Variants in DNMBP observed in about 807,000 individuals in gnomAD.
DNMBP encodes dynamin-binding protein.
DNMBP carries 87 observed loss-of-function variants against 150.0 expected under a neutral mutation model. That is an observed-to-expected ratio of 0.58 (90% CI 0.49 to 0.69). The LOEUF (loss-of-function observed/expected upper bound fraction) is 0.69. Ranked by LOEUF, DNMBP falls within the 30% of genes least tolerant of loss-of-function variation. The pLI, the probability that DNMBP is intolerant of heterozygous loss-of-function variation, is 0.00. For missense variants in DNMBP, 1,774 were observed against 1,949.0 expected, an observed-to-expected ratio of 0.91 and a Z score of 1.69; for synonymous variants, 711 against 750.4, an observed-to-expected ratio of 0.95 and a Z score of 0.86.
intron 5 of DNMBP, 48 bp from the exon 6 acceptor site, chr10:99,908,142 G>T: frequency 7.5e-7 from 1 of 1,339,182 alleles, no homozygotes; most frequent in Non-Finnish European, 1.1e-6. Flanking sequence ...TGAGCTTAAT[G>T]GCATTTCAAT....
At chr10:99,954,473 G>A (rs938174376) in intron 4 of DNMBP, among the ~76,000 whole-genome samples, 3 of 151,914 alleles carry the variant, frequency 2.0e-5, no homozygotes, top group South Asian at 2.1e-4. Context: ...GGCTGGGTGC[G>A]GTGGCTCATG....
intron 3 of DNMBP, chr10:99,957,626 A>G (rs147786894): frequency 2.2e-4 from 41 of 187,162 alleles, no homozygotes; most frequent in African/African-American, 9.5e-4. Flanking sequence ...GCTTGAGACC[A>G]GGAGTTCAAA....
At chr10:99,985,861 C>T (rs962704297) in intron 1 of DNMBP, among the ~76,000 whole-genome samples, 1 of 152,216 alleles carries the variant, frequency 6.6e-6, no homozygotes, top group African/African-American at 2.4e-5. Flanking sequence ...AGTGATCCTC[C>T]TGCCTCAGCC....
intron 4 of DNMBP, among the ~76,000 whole-genome samples, chr10:99,924,424 C>T (rs999990838): frequency 6.6e-6 from 1 of 152,210 alleles, no homozygotes; most frequent in Non-Finnish European, 1.5e-5. Flanking sequence ...GCCCGGGCGA[C>T]AGAGCGAGAC....
At position 99,877,519 on chromosome 10, in the gene DNMBP, TTAAA is replaced by T. The variant is rs1377433495; in HGVS notation, c.4549-187_4549-184del. ...TTATTTAATTTTAACTAAAATAAATTTAAATAGGTACATACGGATGATGGCTACC... is the reference window on the plus strand; with the variant it reads ...TTATTTAATTTTAACTAAAATAAATTTAGGTACATACGGATGATGGCTACC... On this transcript the variant is annotated intron_variant, in intron 16 of 16. Coordinates refer to ENST00000324109, the MANE Select transcript of DNMBP (RefSeq NM_015221.4). Among the ~76,000 whole-genome samples the T allele has an allele frequency of 1.1e-4, 17 of 152,154 alleles. No individual in the cohort carries two copies. The South Asian group carries it at 3.5e-3, about 32-fold the overall frequency.
intron 4 of DNMBP, among the ~76,000 whole-genome samples, chr10:99,951,777 G>A (rs1215425152): frequency 1.3e-5 from 2 of 152,186 alleles, no homozygotes; most frequent in Non-Finnish European, 2.9e-5. Flanking sequence ...CAGGCTCATA[G>A]GCAGAAGGGA....
intron 6 of DNMBP, among the ~76,000 whole-genome samples, chr10:99,901,371 G>C (rs780581583): frequency 8.5e-5 from 13 of 152,142 alleles, no homozygotes; most frequent in Non-Finnish European, 1.8e-4. Flanking sequence ...CAAGACATTT[G>C]CAACGACCTA....
chr10:99,949,018 A>C (rs2040391519), intron 4 of DNMBP, among the ~76,000 whole-genome samples: 1 of 145,184 alleles, frequency 6.9e-6, no homozygotes, highest in Non-Finnish European at 1.5e-5. Context: ...ATAAATGCAG[A>C]GTTTTAAGAA....
Position 99,917,202 on chromosome 10 carries a change from C to T in DNMBP, c.2261-8056G>A, listed in dbSNP as rs145166576. 1.7e-3 allele frequency among the ~76,000 whole-genome samples: 255 copies of T among 152,090 alleles called. 1 individual carries two copies. Among genetic ancestry groups the T allele is most frequent in the Non-Finnish European group, 2.9e-3 (195 of 67,984 alleles). ...CGAAAACCCGTCTCCACTAAAAATA[C>T]AAAAATTAGTTGGTTGTGGTGGCAC... On this transcript the variant is annotated intron_variant, in intron 4 of 16. Transcript: ENST00000324109.
At chr10:99,923,218 G>A (rs1353500903) in intron 4 of DNMBP, among the ~76,000 whole-genome samples, 16 of 152,150 alleles carry the variant, frequency 1.1e-4, no homozygotes, top group Admixed American at 9.8e-4. Flanking sequence ...GTGAAATCCC[G>A]TCTCTACTAA....
At chr10:99,919,492 G>A (rs977175216) in intron 4 of DNMBP, among the ~76,000 whole-genome samples, 6 of 152,166 alleles carry the variant, frequency 3.9e-5, no homozygotes, top group African/African-American at 1.2e-4. Context: ...AATTATAATC[G>A]TTTAAAGTTT....
chr10:99,936,712 T>A (rs1564738464), intron 4 of DNMBP, among the ~76,000 whole-genome samples: 1 of 152,134 alleles, frequency 6.6e-6, no homozygotes, highest in East Asian at 1.9e-4. Context: ...TAAGCCTTTA[T>A]TTATTTACTG....
chr10:99,961,267 C>CTTTTT (rs555063019), intron 3 of DNMBP, among the ~76,000 whole-genome samples: 326 of 84,662 alleles, frequency 3.9e-3, no homozygotes, highest in Non-Finnish European at 4.9e-3. Context: ...TTCCCTTTTT[C>CTTTTT]TTTTTTTTTT....
At position 99,894,931 on chromosome 10, in the gene DNMBP, G is replaced by C. The variant is rs751402126; in HGVS notation, c.3156+15C>G. On this transcript the variant is annotated intron_variant, in intron 11 of 16. Coordinates refer to ENST00000324109, the MANE Select transcript of DNMBP (RefSeq NM_015221.4). ...CATCGTATGTTAATCTAACTACAGT[G>C]ATGTTGATGCTCACCCGGATGTGCT... The C allele has an allele frequency of 1.3e-6, 2 of 1,561,518 alleles. No individual in the cohort carries two copies. The highest frequency in any genetic ancestry group is 1.8e-6 in the Non-Finnish European group (2 of 1,132,344).
chr10:99,915,158 T>C (rs1451702435), intron 4 of DNMBP, among the ~76,000 whole-genome samples: 4 of 143,354 alleles, frequency 2.8e-5, no homozygotes, highest in African/African-American at 1.0e-4. Context: ...TACATATATA[T>C]ACACATATAC....
intron 15 of DNMBP, among the ~76,000 whole-genome samples, chr10:99,883,164 G>A (rs2039396428): frequency 1.8e-5 from 1 of 54,488 alleles, no homozygotes; most frequent in East Asian, 3.0e-4. Context: ...TGTTTTTAGA[G>A]CTTTTTGGAT....
At chr10:100,008,481 CGTAA>C (rs961327829) in intron 1 of DNMBP, among the ~76,000 whole-genome samples, 4 of 152,162 alleles carry the variant, frequency 2.6e-5, no homozygotes, top group African/African-American at 9.7e-5. Context: ...GAATTTAACA[CGTAA>C]GTATCTGCAA....
At chr10:99,883,918 G>GTT (rs144327645) in intron 15 of DNMBP, 93 bp downstream of exon 15, 518 of 1,126,178 alleles carry the variant, frequency 4.6e-4, no homozygotes, top group African/African-American at 1.3e-3. Flanking sequence ...GATACTTTTT[G>GTT]CTTTTTTTTC....
intron 4 of DNMBP, among the ~76,000 whole-genome samples, chr10:99,910,900 T>G (rs2039891200): frequency 6.6e-6 from 1 of 152,166 alleles, no homozygotes; most frequent in Non-Finnish European, 1.5e-5. Flanking sequence ...TTTGTTATGG[T>G]AGAATGTCAG....
Sources: gnomAD v4.1 joint callset for allele counts (sites outside exome capture counted in the v4.1 genomes callset) on GRCh38, gnomAD v4.1.1 for gene constraint, MANE v1.5 for transcripts, NCBI Gene and HGNC (gene_info 2026-07-23, HGNC 2026-07-21) for gene names.